Variants in CTNNA3 observed in about 807,000 individuals in gnomAD.
The protein encoded by CTNNA3 is catenin alpha-3.
In CTNNA3, 76 loss-of-function variants were observed where a neutral mutation model predicts 95.7. That is an observed-to-expected ratio of 0.79 (90% CI 0.66 to 0.96). The LOEUF (loss-of-function observed/expected upper bound fraction) is 0.96, where lower values mean the gene tolerates loss of function less well. Ranked by LOEUF, CTNNA3 falls within the 40% of genes least tolerant of loss-of-function variation. The pLI is 0.00. For synonymous variants in CTNNA3, 431 were observed against 374.4 expected (o/e 1.15, Z -1.74); for missense variants, 1,191 against 1,089.8 (o/e 1.09, Z -1.31).
intron 5 of CTNNA3, among the ~76,000 whole-genome samples, chr10:67,315,868 T>A (rs549949510): frequency 5.3e-5 from 8 of 152,286 alleles, no homozygotes; most frequent in African/African-American, 1.9e-4. Context: ...TTTAATATGT[T>A]AACTTTGTGC....
At chr10:66,730,797 A>C (rs2132664665) in intron 9 of CTNNA3, among the ~76,000 whole-genome samples, 1 of 152,240 alleles carries the variant, frequency 6.6e-6, no homozygotes, top group Admixed American at 6.5e-5. Context: ...TGCAATTGTT[A>C]TGTGAGAAAA....
chr10:67,240,883 T>C (rs1865694340), intron 5 of CTNNA3, among the ~76,000 whole-genome samples: 2 of 152,194 alleles, frequency 1.3e-5, no homozygotes, highest in Admixed American at 6.5e-5. Flanking sequence ...ATGCACTATG[T>C]TCATTTCCTG....
intron 7 of CTNNA3, among the ~76,000 whole-genome samples, chr10:66,862,042 C>A (rs1191553597): frequency 6.6e-6 from 1 of 151,976 alleles, no homozygotes; most frequent in Admixed American, 6.6e-5. Flanking sequence ...TGGTGAAAAA[C>A]CGTCACTATT....
At chr10:66,795,746 G>A (rs564534241) in intron 7 of CTNNA3, among the ~76,000 whole-genome samples, 1 of 152,254 alleles carries the variant, frequency 6.6e-6, no homozygotes, top group East Asian at 1.9e-4. Context: ...ATGTTGTTAA[G>A]TGTAACTACT....
rs74141601 is a variant in CTNNA3 at position 66,543,905 on chromosome 10, G to A, written c.1375-23132C>T. On this transcript the variant is annotated intron_variant, in intron 10 of 17. Transcript: ENST00000433211. ...TTAGCTAATCCTTCTTGAGATGTGT[G>A]TGTGTGTATATATATATATATATAT... is the stretch of plus-strand genomic sequence containing the variant. 5.7e-3 allele frequency among the ~76,000 whole-genome samples: 571 copies of A among 101,020 alleles called. 2 individuals carry two copies. Among genetic ancestry groups the A allele is most frequent in the East Asian group, 0.011 (13 of 1,180 alleles). The allele number at this position is 101,020 out of a possible 152,430, so 66.3% of individuals were successfully genotyped here. A position where few individuals can be genotyped will look rare whatever the true frequency, so the allele number is the denominator to read the frequency against.
chr10:67,428,269 C>T (rs1002453763), intron 5 of CTNNA3, among the ~76,000 whole-genome samples: 1 of 151,712 alleles, frequency 6.6e-6, no homozygotes, highest in Non-Finnish European at 1.5e-5. Context: ...CATAGTTTAC[C>T]TTTATAATTT....
At chr10:66,966,036 T>G (rs1849393174) in intron 7 of CTNNA3, among the ~76,000 whole-genome samples, 1 of 152,160 alleles carries the variant, frequency 6.6e-6, no homozygotes, top group African/African-American at 2.4e-5. Context: ...ATTTGAGTCT[T>G]TTGCTTCCTT....
intron 17 of CTNNA3, among the ~76,000 whole-genome samples, chr10:65,936,521 T>A (rs2077341302): frequency 6.6e-6 from 1 of 152,082 alleles, no homozygotes; most frequent in Non-Finnish European, 1.5e-5. Flanking sequence ...TGAACATTCA[T>A]ACGCTGAAGA....
At chr10:67,557,183 T>G (rs569612079) in intron 3 of CTNNA3, among the ~76,000 whole-genome samples, 2 of 152,138 alleles carry the variant, frequency 1.3e-5, no homozygotes, top group Non-Finnish European at 2.9e-5. Context: ...AACTAAAAGT[T>G]TTGGTATATC....
chr10:67,702,316 A>C (rs905492689), intron 1 of CTNNA3, among the ~76,000 whole-genome samples: 8 of 152,266 alleles, frequency 5.3e-5, no homozygotes, highest in African/African-American at 1.9e-4. Context: ...AAATCAACAG[A>C]ATATACATTT....
At chr10:66,239,630 C>T (rs1246259973) in intron 13 of CTNNA3, among the ~76,000 whole-genome samples, 1 of 151,876 alleles carries the variant, frequency 6.6e-6, no homozygotes, top group African/African-American at 2.4e-5. Context: ...TGAAATTATC[C>T]TTTGAGGTGG....
intron 5 of CTNNA3, among the ~76,000 whole-genome samples, chr10:67,317,757 T>C (rs1345887654): frequency 1.3e-5 from 2 of 152,242 alleles, no homozygotes; most frequent in African/African-American, 4.8e-5. Flanking sequence ...ACATACTACT[T>C]TCTGGATCTG....
At chr10:66,195,533 T>C (rs917777875) in intron 13 of CTNNA3, among the ~76,000 whole-genome samples, 3 of 152,186 alleles carry the variant, frequency 2.0e-5, no homozygotes, top group Admixed American at 2.0e-4. Flanking sequence ...GTTAGCAGTG[T>C]AGTGACATTT....
chr10:66,600,884 G>T (rs1843897386), intron 10 of CTNNA3, among the ~76,000 whole-genome samples: 1 of 151,864 alleles, frequency 6.6e-6, no homozygotes, highest in Non-Finnish European at 1.5e-5. Flanking sequence ...AGGGGTAGTA[G>T]AAAAGTCTAT....
At chr10:65,963,462 G>A (rs1046174679) in intron 17 of CTNNA3, among the ~76,000 whole-genome samples, 4 of 152,074 alleles carry the variant, frequency 2.6e-5, no homozygotes, top group Non-Finnish European at 5.9e-5. Flanking sequence ...CCCAAAACAG[G>A]TTTGCGCCAC....
At chr10:67,122,071 G>C (rs191706745) in intron 7 of CTNNA3, among the ~76,000 whole-genome samples, 2 of 146,552 alleles carry the variant, frequency 1.4e-5, no homozygotes, top group East Asian at 4.1e-4. Flanking sequence ...AGGACGTGAA[G>C]AAGGGAGATT....
At chr10:66,463,139 G>GA (rs2093540821) in intron 11 of CTNNA3, among the ~76,000 whole-genome samples, 1 of 152,144 alleles carries the variant, frequency 6.6e-6, no homozygotes, top group Admixed American at 6.6e-5. Flanking sequence ...TTTATCCACT[G>GA]AAAAATCTCT....
chr10:67,494,197 GT>G (rs1295008108), intron 5 of CTNNA3, among the ~76,000 whole-genome samples: 1 of 152,088 alleles, frequency 6.6e-6, no homozygotes, highest in East Asian at 1.9e-4. Context: ...AAAACTGAGG[GT>G]TTTTTTAATT....
At chr10:65,947,609 G>GA (rs951251869) in intron 17 of CTNNA3, among the ~76,000 whole-genome samples, 101 of 152,142 alleles carry the variant, frequency 6.6e-4, no homozygotes, top group African/African-American at 2.3e-3. Context: ...TGAGATTCCA[G>GA]AAAGTACATA....
Sources: gnomAD v4.1 joint callset for allele counts (sites outside exome capture counted in the v4.1 genomes callset) on GRCh38, gnomAD v4.1.1 for gene constraint, MANE v1.5 for transcripts, NCBI Gene and HGNC (gene_info 2026-07-23, HGNC 2026-07-21) for gene names.